The following OR51B5 variants were observed in gnomAD, a reference collection of about 807,000 sequenced individuals.
OR51B5 encodes the protein olfactory receptor family 51 subfamily B member 5.
For synonymous variants in OR51B5, 186 were observed against 144.8 expected (o/e 1.28, Z -2.04); for missense variants, 456 against 374.6 (o/e 1.22, Z -1.79).
At chr11:5,474,783 G>T (rs568044825) in intron 1 of OR51B5, among the ~76,000 whole-genome samples, 1 of 152,166 alleles carries the variant, frequency 6.6e-6, no homozygotes, top group South Asian at 2.1e-4. Context: ...AGGTGCTCAG[G>T]TATGACAGTG....
intron 1 of OR51B5, among the ~76,000 whole-genome samples, chr11:5,416,446 G>A (rs1323607047): frequency 6.6e-6 from 1 of 152,158 alleles, no homozygotes; most frequent in Non-Finnish European, 1.5e-5. Context: ...GCAGGAAAAG[G>A]AAATAAAGAG....
chr11:5,385,195 ACTC>A (rs1179050865), intron 1 of OR51B5, among the ~76,000 whole-genome samples: 1 of 151,736 alleles, frequency 6.6e-6, no homozygotes, highest in Non-Finnish European at 1.5e-5. Flanking sequence ...CTCTGAGTGG[ACTC>A]CTCCATTGCT....
intron 1 of OR51B5, chr11:5,423,069 A>G (rs1294511921): frequency 1.2e-6 from 2 of 1,614,104 alleles, no homozygotes; most frequent in Non-Finnish European, 1.7e-6. Flanking sequence ...CCGGTGATGA[A>G]CCCCATCATT....
intron 1 of OR51B5, among the ~76,000 whole-genome samples, chr11:5,477,769 G>A (rs1421528385): frequency 2.0e-5 from 3 of 152,116 alleles, no homozygotes; most frequent in East Asian, 1.9e-4. Flanking sequence ...CTGGAAAATC[G>A]GGTCACTCCC....
chr11:5,360,635 T>C (rs1849269069), intron 1 of OR51B5, among the ~76,000 whole-genome samples: 1 of 152,120 alleles, frequency 6.6e-6, no homozygotes, highest in Non-Finnish European at 1.5e-5. Context: ...GCCATCCCAT[T>C]ACTGGGTACA....
At chr11:5,343,194 C>T (rs1259055541) in exon 1 of OR51B5, 1 of 1,613,270 alleles carries the variant, frequency 6.2e-7, no homozygotes, top group Non-Finnish European at 8.5e-7. Flanking sequence ...AGCAGAATGC[C>T]AGACTCGAGA....
intron 1 of OR51B5, chr11:5,390,002 A>T: frequency 6.2e-7 from 1 of 1,613,226 alleles, no homozygotes; most frequent in Non-Finnish European, 8.5e-7. Context: ...GCTGGCCTGC[A>T]CAGATATCAC....
chr11:5,347,195 T>C (rs1056032885), upstream of OR51B5, among the ~76,000 whole-genome samples: 1 of 152,154 alleles, frequency 6.6e-6, no homozygotes, highest in East Asian at 1.9e-4. Flanking sequence ...GGGAGGTAAT[T>C]TATTCCCTAC....
At chr11:5,426,488 G>C (rs1046893887) in intron 1 of OR51B5, among the ~76,000 whole-genome samples, 2 of 152,202 alleles carry the variant, frequency 1.3e-5, no homozygotes, top group African/African-American at 2.4e-5. Flanking sequence ...TCCGGGGAAG[G>C]GGGGAGTTGC....
chr11:5,486,840 T>A (rs1851506253), intron 1 of OR51B5, among the ~76,000 whole-genome samples: 2 of 152,084 alleles, frequency 1.3e-5, no homozygotes. Context: ...AGTAAAATCG[T>A]GTTTCTTTGT....
chr11:5,483,978 C>T (rs545031067), intron 1 of OR51B5, among the ~76,000 whole-genome samples: 1 of 152,254 alleles, frequency 6.6e-6, no homozygotes, highest in African/African-American at 2.4e-5. Flanking sequence ...CTTCACTTCC[C>T]TAAACAAAAC....
chr11:5,373,624 C>A (rs1303794250), intron 1 of OR51B5, among the ~76,000 whole-genome samples: 3 of 152,280 alleles, frequency 2.0e-5, no homozygotes. Context: ...CCACTCCCAC[C>A]CGAATACTGT....
intron 1 of OR51B5, among the ~76,000 whole-genome samples, chr11:5,352,662 A>C (rs544322859): frequency 6.6e-6 from 1 of 152,122 alleles, no homozygotes; most frequent in South Asian, 2.1e-4. Context: ...CACTAAGTAC[A>C]TATCTCAGTG....
rs145075221 is a variant in OR51B5, at chr11:5,487,822, A to C, written n.84+17747T>G. Among the ~76,000 whole-genome samples, 1,339 of 152,298 alleles carry C rather than the reference A, an allele frequency of 8.8e-3. 11 individuals carry two copies. The highest frequency in any genetic ancestry group is 0.014 in the Non-Finnish European group (936 of 68,028). ...CGCTGGCTTTGTCATGGTTGAGTGC[A>C]GTATCCTCAACAAGCATATCTGATT... On this transcript the variant is annotated intron_variant and non_coding_transcript_variant, in intron 1 of 4. Transcript: ENST00000415970.
intron 1 of OR51B5, among the ~76,000 whole-genome samples, chr11:5,377,044 C>T (rs80302054): frequency 1.6e-4 from 24 of 151,960 alleles, no homozygotes; most frequent in East Asian, 7.7e-4. Context: ...TGATGAACAT[C>T]GATGCAAAAA....
At chr11:5,438,000 A>G (rs1850616066) in intron 1 of OR51B5, among the ~76,000 whole-genome samples, 1 of 151,806 alleles carries the variant, frequency 6.6e-6, no homozygotes, top group Non-Finnish European at 1.5e-5. Context: ...GTGGCAGAAG[A>G]ACACCTTCTA....
intron 1 of OR51B5, among the ~76,000 whole-genome samples, chr11:5,452,523 A>G (rs1850871146): frequency 2.1e-5 from 3 of 141,098 alleles, no homozygotes; most frequent in African/African-American, 7.6e-5. Flanking sequence ...AAAAAAAAAA[A>G]AAAAAAAAAA....
intron 1 of OR51B5, among the ~76,000 whole-genome samples, chr11:5,404,693 C>T (rs967889741): frequency 2.0e-5 from 3 of 152,244 alleles, no homozygotes; most frequent in Non-Finnish European, 4.4e-5. Flanking sequence ...TGTGGCTGCT[C>T]ACTCTTTGGG....
chr11:5,446,111 G>C (rs7101842), intron 1 of OR51B5, among the ~76,000 whole-genome samples: 9 of 152,054 alleles, frequency 5.9e-5, no homozygotes, highest in Non-Finnish European at 8.8e-5. Context: ...GTTGTGGGGT[G>C]GGGGAGAGTG....
Sources: gnomAD v4.1 joint callset for allele counts (sites outside exome capture counted in the v4.1 genomes callset) on GRCh38, gnomAD v4.1.1 for gene constraint, MANE v1.5 for transcripts, NCBI Gene and HGNC (gene_info 2026-07-23, HGNC 2026-07-21) for gene names.